DGKB: variants seen among roughly 807,000 people sequenced by gnomAD.
The protein encoded by DGKB is diacylglycerol kinase beta.
In DGKB, 67 loss-of-function variants were observed where a neutral mutation model predicts 114.3. The ratio of observed to expected loss-of-function variants is 0.59; its 90% confidence interval spans 0.48 to 0.72. The LOEUF is 0.72. Ranked by LOEUF, DGKB falls within the 30% of genes least tolerant of loss-of-function variation. The pLI, the probability that DGKB is intolerant of heterozygous loss-of-function variation, is 0.00. For missense variants in DGKB, 907 were observed against 975.2 expected (o/e 0.93, Z 0.93); for synonymous variants, 398 against 323.1 (o/e 1.23, Z -2.49).
chr7:14,183,389 G>A (rs1460526032), intron 23 of DGKB, among the ~76,000 whole-genome samples: 2 of 152,188 alleles, frequency 1.3e-5, no homozygotes, highest in African/African-American at 2.4e-5. Flanking sequence ...TGGGTAGGAA[G>A]AGTTTTAGCA....
At chr7:14,532,027 A>C (rs1320998651) in intron 20 of DGKB, among the ~76,000 whole-genome samples, 1 of 151,344 alleles carries the variant, frequency 6.6e-6, no homozygotes, top group African/African-American at 2.4e-5. Flanking sequence ...ATTGCAATGA[A>C]TCCTACATCC....
intron 1 of DGKB, among the ~76,000 whole-genome samples, chr7:14,913,749 G>C (rs1426385143): frequency 1.3e-5 from 2 of 151,964 alleles, no homozygotes; most frequent in Non-Finnish European, 2.9e-5. Context: ...AAAATCTTTT[G>C]ACTTATAGTT....
At chr7:14,648,078 AC>A (rs1813506887) in intron 13 of DGKB, among the ~76,000 whole-genome samples, 2 of 152,220 alleles carry the variant, frequency 1.3e-5, no homozygotes, top group South Asian at 4.1e-4. Flanking sequence ...AGGGGCGCCC[AC>A]CATTGCCCAG....
chr7:14,897,116 G>A (rs1241930981), intron 1 of DGKB, among the ~76,000 whole-genome samples: 1 of 151,734 alleles, frequency 6.6e-6, no homozygotes, highest in Admixed American at 6.6e-5. Context: ...ATGTGGATTA[G>A]AAAGAAGACT....
At chr7:14,222,881 C>T (rs943955850) in intron 23 of DGKB, among the ~76,000 whole-genome samples, 23 of 151,538 alleles carry the variant, frequency 1.5e-4, no homozygotes, top group Admixed American at 4.0e-4. Flanking sequence ...GAAGGATTGA[C>T]GATCATTATT....
chr7:14,617,373 A>T (rs1287625082), intron 15 of DGKB, among the ~76,000 whole-genome samples: 1 of 151,608 alleles, frequency 6.6e-6, no homozygotes, highest in Non-Finnish European at 1.5e-5. Context: ...CTTTTCTCAT[A>T]AACCCTGTAG....
intron 2 of DGKB, among the ~76,000 whole-genome samples, chr7:14,778,687 A>T (rs1194074128): frequency 2.0e-5 from 3 of 152,218 alleles, no homozygotes; most frequent in African/African-American, 7.2e-5. Context: ...GATTGGTTTT[A>T]TTCAGTTAGA....
At chr7:14,217,349 G>T (rs1320394248) in intron 23 of DGKB, among the ~76,000 whole-genome samples, 1 of 151,828 alleles carries the variant, frequency 6.6e-6, no homozygotes. Flanking sequence ...GCTTCCTTGG[G>T]ACGTGGGTTT....
chr7:14,173,426 C>T (rs1452990845), intron 25 of DGKB, among the ~76,000 whole-genome samples: 1 of 152,100 alleles, frequency 6.6e-6, no homozygotes, highest in Non-Finnish European at 1.5e-5. Context: ...GTTGTGTCAC[C>T]ATCACTACCC....
chr7:14,443,005 A>G (rs1830274952), intron 21 of DGKB, among the ~76,000 whole-genome samples: 1 of 152,194 alleles, frequency 6.6e-6, no homozygotes, highest in South Asian at 2.1e-4. Context: ...GAAACATAGC[A>G]TCACTTACAT....
chr7:14,411,603 T>C (rs1348832354), intron 21 of DGKB, among the ~76,000 whole-genome samples: 1 of 152,160 alleles, frequency 6.6e-6, no homozygotes, highest in Non-Finnish European at 1.5e-5. Flanking sequence ...CCATGAGTTT[T>C]AGCTTAAATT....
chr7:14,286,429 G>A (rs1280926366), intron 23 of DGKB, among the ~76,000 whole-genome samples: 1 of 152,136 alleles, frequency 6.6e-6, no homozygotes, highest in Non-Finnish European at 1.5e-5. Context: ...GGGTACTAAA[G>A]TCTGCTCTAA....
At chr7:14,350,062 C>G (rs1424059962) in intron 21 of DGKB, among the ~76,000 whole-genome samples, 1 of 152,082 alleles carries the variant, frequency 6.6e-6, no homozygotes, top group East Asian at 1.9e-4. Flanking sequence ...AATTGTAAAT[C>G]TACAAGTTTC....
intron 20 of DGKB, among the ~76,000 whole-genome samples, chr7:14,526,768 G>C (rs1251262576): frequency 6.6e-6 from 1 of 152,028 alleles, no homozygotes; most frequent in Non-Finnish European, 1.5e-5. Context: ...AATAGAGAAA[G>C]AATGAATTCT....
intron 23 of DGKB, among the ~76,000 whole-genome samples, chr7:14,240,572 A>C (rs909645224): frequency 3.3e-5 from 5 of 152,056 alleles, no homozygotes; most frequent in Non-Finnish European, 7.4e-5. Flanking sequence ...GGAAAAATGA[A>C]CTATGTCTCT....
intron 15 of DGKB, among the ~76,000 whole-genome samples, chr7:14,620,732 C>T (rs1047018929): frequency 6.6e-6 from 1 of 151,738 alleles, no homozygotes; most frequent in Middle Eastern, 3.2e-3. Context: ...GTTATACATT[C>T]ACCCCATACA....
chr7:14,502,780 C>T (rs1449755055), intron 20 of DGKB, among the ~76,000 whole-genome samples: 2 of 152,070 alleles, frequency 1.3e-5, no homozygotes, highest in East Asian at 3.9e-4. Context: ...CAGAGCACCC[C>T]AACTGCAAAA....
At chr7:14,496,419 G>C (rs1318596757) in intron 20 of DGKB, among the ~76,000 whole-genome samples, 1 of 151,660 alleles carries the variant, frequency 6.6e-6, no homozygotes, top group Non-Finnish European at 1.5e-5. Context: ...TGCCTTTTGG[G>C]TTCTTTTATT....
rs148411991 is a variant in DGKB at position 14,496,551 on chromosome 7, A to G, written c.1771-18326T>C. On this transcript the variant is annotated intron_variant, in intron 20 of 25. Coordinates refer to ENST00000402815, the MANE Select transcript of DGKB (RefSeq NM_001350709.2). ...TTTTCAGAATATTTATTGAGCACCTATTGTATGCCAAACACTGTGCTAGGT... is the reference window on the plus strand; with the variant it reads ...TTTTCAGAATATTTATTGAGCACCTGTTGTATGCCAAACACTGTGCTAGGT... Among the ~76,000 whole-genome samples, 24 of 151,888 alleles carry G rather than the reference A, an allele frequency of 1.6e-4. No individual in the cohort carries two copies. The East Asian group carries it at 2.7e-3, about 17-fold the overall frequency.
Sources: gnomAD v4.1 joint callset for allele counts (sites outside exome capture counted in the v4.1 genomes callset) on GRCh38, gnomAD v4.1.1 for gene constraint, MANE v1.5 for transcripts, NCBI Gene and HGNC (gene_info 2026-07-23, HGNC 2026-07-21) for gene names.